Variants in CFAP46 observed in about 807,000 individuals in gnomAD.
The protein encoded by CFAP46 is cilia- and flagella-associated protein 46.
Under a neutral mutation model 325.7 loss-of-function variants are expected in CFAP46, and 245 were observed. The observed-to-expected ratio is 0.75, with a 90% CI of 0.68 to 0.84. CFAP46 has a LOEUF of 0.84. CFAP46 is among the 40% of genes least tolerant of loss of function. The pLI is 0.00. For synonymous variants in CFAP46, 1,523 were observed against 1,495.9 expected, an observed-to-expected ratio of 1.02 and a Z score of -0.42; for missense variants, 3,346 against 3,543.0, an observed-to-expected ratio of 0.94 and a Z score of 1.41.
At chr10:132,867,158 C>T (rs1308766720) in intron 34 of CFAP46, among the ~76,000 whole-genome samples, 3 of 151,436 alleles carry the variant, frequency 2.0e-5, no homozygotes, top group Non-Finnish European at 4.4e-5. Context: ...CACACACAGG[C>T]CGGCCCCTCA....
intron 50 of CFAP46, among the ~76,000 whole-genome samples, chr10:132,819,811 G>T (rs1186457862): frequency 2.0e-5 from 3 of 152,150 alleles, no homozygotes; most frequent in African/African-American, 4.8e-5. Context: ...CAGGATAAAA[G>T]CTCCTTGACT....
chr10:132,845,217 G>A (rs1269827610), intron 44 of CFAP46, among the ~76,000 whole-genome samples: 1 of 152,198 alleles, frequency 6.6e-6, no homozygotes, highest in African/African-American at 2.4e-5. Flanking sequence ...GGCTGGGCCT[G>A]CAGGCCCCTT....
Position 132,833,781 on chromosome 10 carries a change from G to A in CFAP46, c.6950-256C>T, listed in dbSNP as rs375370696. ...GGGGCTGACAATCCACCCACGCGAA[G>A]GTGGCTGTGCTGGGTTCCGTGGTGC... is the stretch of plus-strand genomic sequence containing the variant. On this transcript the variant is annotated intron_variant, in intron 49 of 57. Coordinates refer to ENST00000368586, the MANE Select transcript of CFAP46 (RefSeq NM_001200049.3). 1.6e-3 allele frequency among the ~76,000 whole-genome samples: 251 copies of A among 152,350 alleles called. 2 individuals are homozygous for A. The highest frequency in any genetic ancestry group is 5.7e-3 in the African/African-American group (236 of 41,584).
In CFAP46 at chr10:132,935,530, T is replaced by C. The variant is rs375834067; in HGVS notation, c.756-668A>G. On this transcript the variant is annotated intron_variant, in intron 7 of 57. Coordinates refer to ENST00000368586, the MANE Select transcript of CFAP46 (RefSeq NM_001200049.3). ...CTCAGCACCCAAACACACTGTGATC[T>C]CCTCACTCCCCTCGGCACCCAAACA... is the stretch of plus-strand genomic sequence containing the variant. Among the ~76,000 whole-genome samples the C allele has an allele frequency of 2.9e-5, 4 of 136,228 alleles. No homozygotes were observed. In the South Asian group the frequency reaches 9.7e-4, roughly 33 times the overall value. The allele number at this position is 136,228 out of a possible 152,430, so 89.4% of individuals were successfully genotyped here. A position where few individuals can be genotyped will look rare whatever the true frequency, so the allele number is the denominator to read the frequency against.
Position 132,922,208 on chromosome 10 carries a change from G to C in CFAP46, c.1502C>G (p.Pro501Arg). The change falls in exon 13 of 58, where the codon CCA becomes CGA. Residue 501 changes from proline (P) to arginine (R), a missense_variant. Coordinates refer to ENST00000368586, the MANE Select transcript of CFAP46 (RefSeq NM_001200049.3). ...CCGCTTCTTCCTGACGCTGTCCTTTGGTGTAGCTTTTTTTGCCTGTGAAAA... is the reference window on the plus strand; with the variant it reads ...CCGCTTCTTCCTGACGCTGTCCTTTCGTGTAGCTTTTTTTGCCTGTGAAAA... ...MAVEQAKKAT[P>R]KDSVRKKRAL... is the part of the protein sequence containing the mutation. The C allele has an allele frequency of 3.2e-6, 5 of 1,550,210 alleles. No homozygotes were observed. The highest frequency in any genetic ancestry group is 4.4e-6 in the Non-Finnish European group (5 of 1,146,730).
chr10:132,836,756 C>T (rs1048753934), intron 45 of CFAP46, 61 bp downstream of exon 45: 13 of 1,435,878 alleles, frequency 9.1e-6, no homozygotes, highest in Non-Finnish European at 1.2e-5. Flanking sequence ...GGCTGGGTCT[C>T]TGCCTCCCTG....
At chr10:132,927,817 A>T (rs547413547) in intron 9 of CFAP46, among the ~76,000 whole-genome samples, 9 of 152,380 alleles carry the variant, frequency 5.9e-5, no homozygotes, top group African/African-American at 2.2e-4. Flanking sequence ...CCTTAACATT[A>T]GTGAGCTTTT....
At chr10:132,930,520 C>A (rs1370174074) in intron 8 of CFAP46, among the ~76,000 whole-genome samples, 5 of 137,684 alleles carry the variant, frequency 3.6e-5, no homozygotes, top group East Asian at 4.6e-4. Flanking sequence ...CTCCTCCCCA[C>A]ACAGAGCCTG....
intron 8 of CFAP46, among the ~76,000 whole-genome samples, chr10:132,932,311 CCT>C (rs1849922765): frequency 7.8e-6 from 1 of 129,014 alleles, no homozygotes. Context: ...GGGCCTCCCT[CCT>C]CTCCACACAG....
Position 132,920,147 on chromosome 10 carries a change from G to A in CFAP46, c.1642C>T (p.Leu548Phe). 1.9e-6 allele frequency: 3 copies of A among 1,548,220 alleles called. No individual in the cohort carries two copies. Among genetic ancestry groups the A allele is most frequent in the Non-Finnish European group, 2.6e-6 (3 of 1,146,132 alleles). Residue 548 changes from leucine (L) to phenylalanine (F), a missense_variant, in exon 14 of 58, where the codon CTC (leucine) becomes TTC (phenylalanine). Leu to Phe is a conservative substitution (Grantham distance 22). Transcript: ENST00000368586. ...GTGTGGTGCCACGCCTTCGCACAGA[G>A]GTAGGTGAACCGGCCCCTGTTCTTC... Reference protein sequence around the residue: ...TGKNRGRFTYLCAKAWHHTVS... With the variant: ...TGKNRGRFTYFCAKAWHHTVS...
At chr10:132,932,648 G>T (rs921852440) in intron 8 of CFAP46, among the ~76,000 whole-genome samples, 1 of 152,094 alleles carries the variant, frequency 6.6e-6, no homozygotes, top group Non-Finnish European at 1.5e-5. Flanking sequence ...CACAGAGCCT[G>T]GGCCTTCCTA....
chr10:132,839,526 A>G (rs781681745), intron 44 of CFAP46, among the ~76,000 whole-genome samples: 1 of 152,082 alleles, frequency 6.6e-6, no homozygotes, highest in East Asian at 1.9e-4. Context: ...GTCTTTCTAC[A>G]TGTTATTTCT....
In CFAP46 at chr10:132,876,726, TCA is replaced by T. The variant is rs1848962318; in HGVS notation, c.4362+84_4362+85del. On this transcript the variant is annotated intron_variant, in intron 31 of 57. Transcript: ENST00000368586. The surrounding 1 kb of genome is among the most constrained non-coding windows in gnomAD (Gnocchi z 4.1). Reference sequence around the variant, plus strand: ...CTGTCCTCCTTTTTCTGGCTACAGTTCACAGTGAAAACTGGACTTGGGGACAG... The same window carrying T: ...CTGTCCTCCTTTTTCTGGCTACAGTTCAGTGAAAACTGGACTTGGGGACAG... The T allele has an allele frequency of 4.4e-6, 6 of 1,375,426 alleles. No individual in the cohort carries two copies. The East Asian group carries it at 1.5e-4, about 35-fold the overall frequency. The allele number at this position is 1,375,426 out of a possible 1,614,324, so 85.2% of individuals were successfully genotyped here.
At chr10:132,811,136 GCACGCT>G in intron 55 of CFAP46, 105 bp from the exon 56 acceptor site, 1 of 961,968 alleles carries the variant, frequency 1.0e-6, no homozygotes, top group South Asian at 1.5e-5. Flanking sequence ...GCAGGGCATG[GCACGCT>G]GGCCACTCAG....
At chr10:132,814,789 C>A (rs1240629875) in intron 51 of CFAP46, 43 bp from the exon 52 acceptor site, 8 of 1,613,614 alleles carry the variant, frequency 5.0e-6, no homozygotes, top group Non-Finnish European at 6.8e-6. Flanking sequence ...GGGCCAGGAG[C>A]CTGACCTCCC....
intron 38 of CFAP46, among the ~76,000 whole-genome samples, 183 bp from the exon 39 acceptor site, chr10:132,857,971 T>C (rs1848667767): frequency 6.6e-6 from 1 of 152,236 alleles, no homozygotes; most frequent in African/African-American, 2.4e-5. Flanking sequence ...ATGCAGTATG[T>C]ACAGTGTATT....
At chr10:132,812,170 A>G (rs994824890) in intron 55 of CFAP46, among the ~76,000 whole-genome samples, 3 of 152,200 alleles carry the variant, frequency 2.0e-5, no homozygotes, top group Admixed American at 1.3e-4. Context: ...CTCCGTCAGC[A>G]CTACCCTTGG....
intron 22 of CFAP46, among the ~76,000 whole-genome samples, chr10:132,905,622 A>G (rs1046473362): frequency 6.6e-6 from 1 of 152,134 alleles, no homozygotes; most frequent in Non-Finnish European, 1.5e-5. Flanking sequence ...CAGGCTGACA[A>G]TTACCTCCAC....
In CFAP46 at chr10:132,834,758, C is replaced by T. The variant is rs1439073695; in HGVS notation, c.6762G>A (p.Gln2254=). ...GCACAGGGCGCTCCTTCTCTTCCAC[C>T]TGCAGGCCTTCTGGTTCCTACCGCA... ...LNIGSEPEGL[Q]VEEKERPVQR... is the part of the protein sequence containing the mutation. Residue 2254 remains glutamine (Q), a synonymous_variant, in exon 48 of 58, where the codon CAG becomes CAA. Transcript: ENST00000368586. 2.5e-6 allele frequency: 4 copies of T among 1,612,360 alleles called. No homozygotes were observed. In the East Asian group the frequency reaches 6.7e-5, roughly 27 times the overall value.
Sources: gnomAD v4.1 joint callset for allele counts (sites outside exome capture counted in the v4.1 genomes callset) on GRCh38, gnomAD v4.1.1 for gene constraint, Gnocchi (gnomAD v3.1) non-coding constraint, MANE v1.5 for transcripts, NCBI Gene and HGNC (gene_info 2026-07-23, HGNC 2026-07-21) for gene names.